The following ATP7A variants were observed in gnomAD, a reference collection of about 807,000 sequenced individuals.
ATP7A encodes copper-transporting ATPase 1.
ATP7A carries 7 observed loss-of-function variants against 83.5 expected under a neutral mutation model. The ratio of observed to expected loss-of-function variants is 0.08; its 90% CI spans 0.05 to 0.16. The LOEUF is 0.16. Ranked by LOEUF, ATP7A falls within the 10% of genes least tolerant of loss-of-function variation. ATP7A has a pLI of 1.00. For missense variants in ATP7A, 940 were observed against 1,120.8 expected, an observed-to-expected ratio of 0.84 and a Z score of 2.30; for synonymous variants, 354 against 395.2, an observed-to-expected ratio of 0.90 and a Z score of 1.24.
At chrX:77,955,773 GCC>G (rs1557227280) in intron 1 of ATP7A, among the ~76,000 whole-genome samples, 1 of 109,982 alleles carries the variant, frequency 9.1e-6, no homozygotes, top group Non-Finnish European at 1.9e-5. Flanking sequence ...TGACCTTGTA[GCC>G]ATTTACCAGA....
In ATP7A at chrX:77,960,153, G is replaced by T. The variant is rs188731898; in HGVS notation, c.-21-11468G>T. Among the ~76,000 whole-genome samples, 988 of 112,296 alleles carry T rather than the reference G, an allele frequency of 8.8e-3. 11 individuals carry two copies. The highest frequency in any genetic ancestry group is 0.031 in the African/African-American group (947 of 30,979). ...CCCAGCACTTTGGGAGGTTGAGGCG[G>T]GTGGACCACTTGAGGTCAGGAGTTC... On this transcript the variant is annotated intron_variant, in intron 1 of 22. Transcript: ENST00000341514.
intron 1 of ATP7A, among the ~76,000 whole-genome samples, chrX:77,921,656 A>C (rs1226239792): frequency 1.8e-5 from 2 of 112,177 alleles, no homozygotes; most frequent in Non-Finnish European, 1.9e-5. Flanking sequence ...TAATCCCAGC[A>C]CTTTGGGAGT....
Position 78,009,365 on chromosome X carries a change from T to G in ATP7A, c.1869+102T>G, listed in dbSNP as rs2077801419. 5 of 929,296 alleles carry G rather than the reference T, an allele frequency of 5.4e-6. No homozygotes were observed. In the Admixed American group the frequency reaches 8.9e-5, roughly 16 times the overall value. The allele number at this position is 929,296 out of a possible 1,213,427, so 76.6% of individuals were successfully genotyped here. On this transcript the variant is annotated intron_variant, in intron 7 of 22. Transcript: ENST00000341514. ...CAGATAGAGGCAATGAAAAAAAATC[T>G]AACTCCTTTGAACACTTCAAACAAG...
At chrX:78,031,314 T>C in intron 15 of ATP7A, 86 bp from the exon 16 acceptor site, 1 of 933,292 alleles carries the variant, frequency 1.1e-6, no homozygotes, top group Non-Finnish European at 1.5e-6. Context: ...TAAATAGTCA[T>C]CTCTTTGTCA....
chrX:77,915,328 GA>G (rs1194256532), intron 1 of ATP7A, among the ~76,000 whole-genome samples: 130 of 95,364 alleles, frequency 1.4e-3, no homozygotes, highest in South Asian at 9.6e-3. Flanking sequence ...GTCTTGTCCG[GA>G]AAAAAAAAAA....
intron 12 of ATP7A, among the ~76,000 whole-genome samples, chrX:78,017,385 A>C (rs2077872614): frequency 8.9e-6 from 1 of 112,503 alleles, no homozygotes; most frequent in African/African-American, 3.2e-5. Flanking sequence ...GGCTGCTGCC[A>C]AGATCTCTGA....
At chrX:78,041,650 C>T in intron 19 of ATP7A, among the ~76,000 whole-genome samples, 1 of 111,529 alleles carries the variant, frequency 9.0e-6, no homozygotes, top group Non-Finnish European at 1.9e-5. Context: ...GCTCCCCATT[C>T]AGTCCTACTG....
chrX:77,995,959 C>CTGG (rs2077701766), intron 4 of ATP7A, among the ~76,000 whole-genome samples: 1 of 111,495 alleles, frequency 9.0e-6, no homozygotes, highest in Non-Finnish European at 1.9e-5. Flanking sequence ...GTTGGCCAGG[C>CTGG]TGGTCTCCAT....
In ATP7A at chrX:78,043,369, A is replaced by G. The variant is rs781912153; in HGVS notation, c.4058A>G (p.Lys1353Arg). The G allele has an allele frequency of 5.8e-6, 7 of 1,208,649 alleles. No homozygotes were observed. The highest frequency in any genetic ancestry group is 7.8e-6 in the Non-Finnish European group (7 of 894,001). ...ATTGACTTATCAAGAAAGACAGTCA[A>G]GAGGATTCGGATAAATTTTGTCTTT... ...ASIDLSRKTV[K>R]RIRINFVFAL... is the part of the protein sequence containing the mutation. The change falls in exon 21 of 23, where the codon AAG becomes AGG. Residue 1353 changes from lysine to arginine, a missense_variant. Physicochemically the swap from Lys to Arg is conservative, Grantham distance 26 (BLOSUM62 2). Transcript: ENST00000341514.
rs1449721163 is a variant in ATP7A, at chrX:78,011,396, C to T, written c.1947-53C>T. On this transcript the variant is annotated intron_variant, in intron 8 of 22. Coordinates refer to ENST00000341514, the MANE Select transcript of ATP7A (RefSeq NM_000052.7). ...CTCTCTGTAGTATGTAGAATCTTTA[C>T]CCATTAGCTATTTATGACCATGATT... 5.5e-6 allele frequency: 6 copies of T among 1,087,594 alleles called. No individual in the cohort carries two copies. In the African/African-American group the frequency reaches 9.2e-5, roughly 17 times the overall value. The allele number at this position is 1,087,594 out of a possible 1,213,427, so 89.6% of individuals were successfully genotyped here. A position where few individuals can be genotyped will look rare whatever the true frequency, so the allele number is the denominator to read the frequency against.
At chrX:77,964,189 A>G (rs2077490987) in intron 1 of ATP7A, 1 of 111,464 alleles carries the variant, frequency 9.0e-6, no homozygotes, top group Non-Finnish European at 1.9e-5. Context: ...GTCCTATTTT[A>G]TTTGTTCTGT....
At chrX:77,978,165 C>T (rs2077586437) in intron 2 of ATP7A, among the ~76,000 whole-genome samples, 1 of 111,644 alleles carries the variant, frequency 9.0e-6, no homozygotes, top group Non-Finnish European at 1.9e-5. Flanking sequence ...TTAGACCTCC[C>T]CTTTGTGTTA....
intron 1 of ATP7A, chrX:77,968,805 G>A: frequency 1.7e-6 from 2 of 1,188,682 alleles, no homozygotes; most frequent in African/African-American, 1.7e-5. Context: ...ACATGTGCAG[G>A]TGGGAGGGGC....
In ATP7A at chrX:77,936,031, C is replaced by T. The variant is rs570484859; in HGVS notation, c.-22+25196C>T. On this transcript the variant is annotated intron_variant, in intron 1 of 22. Coordinates refer to ENST00000341514, the MANE Select transcript of ATP7A (RefSeq NM_000052.7). ...TTGGGTCAGATTGTCTGGTGGCTTA[C>T]GCTAATTTTCACTTCTTGATTTAAC... Among the ~76,000 whole-genome samples, 21 of 112,482 alleles carry T rather than the reference C, an allele frequency of 1.9e-4. 1 individual carries two copies. The South Asian group carries it at 7.6e-3, about 41-fold the overall frequency.
At chrX:78,039,333 C>T (rs2078033054) in intron 18 of ATP7A, among the ~76,000 whole-genome samples, 1 of 110,614 alleles carries the variant, frequency 9.0e-6, no homozygotes, top group South Asian at 3.8e-4. Context: ...TGTTTTTGTT[C>T]TTGTTTTTGT....
intron 4 of ATP7A, among the ~76,000 whole-genome samples, chrX:77,992,993 G>T (rs2077678987): frequency 8.9e-6 from 1 of 112,206 alleles, no homozygotes. Context: ...CATAATGTTG[G>T]ATTATTTCTC....
intron 1 of ATP7A, among the ~76,000 whole-genome samples, chrX:77,915,845 C>T (rs561059911): frequency 1.8e-5 from 2 of 111,724 alleles, no homozygotes; most frequent in South Asian, 3.7e-4. Context: ...CTCAGCCCCC[C>T]GAGTAGATGG....
chrX:78,044,255 C>CAA (rs782578875), intron 21 of ATP7A, among the ~76,000 whole-genome samples: 789 of 61,423 alleles, frequency 0.013, 16 homozygotes, highest in East Asian at 0.043. Context: ...ACTCCGTCTC[C>CAA]AAAAAAAAAA....
chrX:78,014,016 A>G (rs2077844336), intron 10 of ATP7A, among the ~76,000 whole-genome samples: 1 of 111,233 alleles, frequency 9.0e-6, no homozygotes, highest in African/African-American at 3.3e-5. Context: ...ATTTGCTTAT[A>G]TATGTCCTTT....
Sources: allele counts gnomAD v4.1 joint callset (sites outside exome capture counted in the v4.1 genomes callset), GRCh38; gene constraint gnomAD v4.1.1; transcripts MANE v1.5; gene names NCBI Gene and HGNC (gene_info 2026-07-23, HGNC 2026-07-21).